Variants in DDX60 observed in about 807,000 individuals in gnomAD.
The protein encoded by DDX60 is DExD/H-box helicase 60, also known as probable ATP-dependent RNA helicase DDX60.
DDX60 carries 165 observed loss-of-function variants against 212.8 expected under a neutral mutation model. The ratio of observed to expected loss-of-function variants is 0.78; its 90% confidence interval spans 0.68 to 0.88. The LOEUF is 0.88. Ranked by LOEUF, DDX60 falls within the 40% of genes least tolerant of loss-of-function variation. The pLI, the probability that DDX60 is intolerant of heterozygous loss-of-function variation, is 0.00. For synonymous variants in DDX60, 703 were observed against 685.3 expected (o/e 1.03, Z -0.40); for missense variants, 1,905 against 2,003.9 (o/e 0.95, Z 0.94).
intron 25 of DDX60, among the ~76,000 whole-genome samples, chr4:168,256,267 C>T (rs1015978761): frequency 6.6e-6 from 1 of 152,012 alleles, no homozygotes; most frequent in Non-Finnish European, 1.5e-5. Context: ...CTATCCCCAA[C>T]ACCACCCTTC....
chr4:168,267,494 T>G (rs1169824375), intron 22 of DDX60, 88 bp downstream of exon 22: 8 of 529,978 alleles, frequency 1.5e-5, no homozygotes, highest in Non-Finnish European at 9.2e-6. Flanking sequence ...TCTATAATTC[T>G]GATACATATC....
rs367658558 is a variant in DDX60 at position 168,276,403 on chromosome 4, T to C, written c.1979-222A>G. On this transcript the variant is annotated intron_variant, in intron 14 of 37. Transcript: ENST00000393743. ...AGCTATATCAGTGTTGGGAAAAAAA[T>C]TGTAGTTCATAATAGAAATAAGATC... 6.6e-5 allele frequency among the ~76,000 whole-genome samples: 10 copies of C among 152,268 alleles called. No homozygotes were observed. The East Asian group carries it at 1.5e-3, about 23-fold the overall frequency.
chr4:168,289,957 A>G (rs1459952592), intron 8 of DDX60, among the ~76,000 whole-genome samples: 2 of 152,068 alleles, frequency 1.3e-5, no homozygotes, highest in Non-Finnish European at 2.9e-5. Context: ...TCTACAATGC[A>G]CTCTCTGCAT....
intron 27 of DDX60, among the ~76,000 whole-genome samples, 176 bp downstream of exon 27, chr4:168,252,333 A>G (rs1288930818): frequency 6.6e-6 from 1 of 152,244 alleles, no homozygotes; most frequent in Non-Finnish European, 1.5e-5. Flanking sequence ...CTTTTTAGAT[A>G]TGCACTGCAG....
At chr4:168,228,540 C>T (rs1373985768) in intron 33 of DDX60, among the ~76,000 whole-genome samples, 4 of 151,660 alleles carry the variant, frequency 2.6e-5, no homozygotes, top group African/African-American at 7.3e-5. Context: ...TAGCTGTTAC[C>T]CCAGAGATTA....
At chr4:168,313,075 T>A (rs566397035) in intron 1 of DDX60, among the ~76,000 whole-genome samples, 1 of 152,256 alleles carries the variant, frequency 6.6e-6, no homozygotes, top group African/African-American at 2.4e-5. Context: ...CCAGTGTAAG[T>A]TGAAAGATAA....
At chr4:168,294,079 A>G (rs1736234326) in intron 6 of DDX60, 134 bp from the exon 7 acceptor site, 1 of 708,280 alleles carries the variant, frequency 1.4e-6, no homozygotes, top group African/African-American at 1.8e-5. Flanking sequence ...CCCCCGTGAC[A>G]CAAGTTTACC....
chr4:168,320,059 C>T (rs1370399596), upstream of DDX60, among the ~76,000 whole-genome samples: 1 of 152,150 alleles, frequency 6.6e-6, no homozygotes, highest in Non-Finnish European at 1.5e-5. Context: ...CATGATTGGT[C>T]TTAAATCAGC....
intron 33 of DDX60, among the ~76,000 whole-genome samples, chr4:168,228,149 A>T (rs1327845137): frequency 6.6e-6 from 1 of 152,138 alleles, no homozygotes; most frequent in African/African-American, 2.4e-5. Flanking sequence ...TACTGAATTG[A>T]ACACTTTAGG....
intron 33 of DDX60, among the ~76,000 whole-genome samples, chr4:168,233,508 T>C (rs955236347): frequency 2.6e-5 from 4 of 151,980 alleles, no homozygotes; most frequent in Admixed American, 6.6e-5. Context: ...TACATATGTA[T>C]TATGGAATAC....
chr4:168,247,927 T>A (rs1253368387), intron 29 of DDX60, among the ~76,000 whole-genome samples: 2 of 152,208 alleles, frequency 1.3e-5, no homozygotes, highest in African/African-American at 4.8e-5. Flanking sequence ...AGAGTAATTA[T>A]TACCCATATT....
chr4:168,256,432 A>T (rs1734415943), intron 25 of DDX60, among the ~76,000 whole-genome samples: 1 of 152,158 alleles, frequency 6.6e-6, no homozygotes, highest in Admixed American at 6.5e-5. Context: ...ACTTCTTGAA[A>T]TGTAAATACC....
chr4:168,217,945 A>G (rs1732909366), intron 37 of DDX60, among the ~76,000 whole-genome samples: 1 of 152,170 alleles, frequency 6.6e-6, no homozygotes. Context: ...GTGTTGGTTT[A>G]AGCCACTAGG....
Position 168,308,200 on chromosome 4 carries a change from A to T in DDX60, c.75-5T>A. The stretch of plus-strand genomic sequence containing the variant: ...TCATTGAATAAACTGGAATATCTAA[A>T]ATGAAAAACAGTTAAAACAAAAATC... On this transcript the variant is annotated splice_region_variant and splice_polypyrimidine_tract_variant and intron_variant, in intron 3 of 37. Coordinates refer to ENST00000393743, the MANE Select transcript of DDX60 (RefSeq NM_017631.6). 1 of 1,518,616 alleles carries T rather than the reference A, an allele frequency of 6.6e-7. No homozygotes were observed. The highest frequency in any genetic ancestry group is 1.8e-4 in the Middle Eastern group (1 of 5,708). 94.1% of individuals were successfully genotyped at this position (1,518,616 alleles called of 1,614,324 possible). A position where few individuals can be genotyped will look rare whatever the true frequency, so the allele number is the denominator to read the frequency against.
chr4:168,281,525 G>T (rs930197319), intron 13 of DDX60, among the ~76,000 whole-genome samples: 34 of 152,212 alleles, frequency 2.2e-4, no homozygotes, highest in African/African-American at 8.0e-4. Flanking sequence ...AGTGAATAAG[G>T]AAAGAGGAAG....
chr4:168,277,407 G>C (rs1240431908), intron 14 of DDX60, among the ~76,000 whole-genome samples: 1 of 152,128 alleles, frequency 6.6e-6, no homozygotes, highest in Non-Finnish European at 1.5e-5. Context: ...ACCCGTCTTT[G>C]AAGGTGCTTA....
At chr4:168,301,787 T>C (rs1350944311) in intron 6 of DDX60, among the ~76,000 whole-genome samples, 1 of 152,198 alleles carries the variant, frequency 6.6e-6, no homozygotes. Flanking sequence ...TCAAGATTTA[T>C]TAACTACAAA....
intron 19 of DDX60, among the ~76,000 whole-genome samples, chr4:168,269,170 T>C (rs1455846163): frequency 6.6e-6 from 1 of 152,150 alleles, no homozygotes; most frequent in Non-Finnish European, 1.5e-5. Context: ...AAAATTTCCT[T>C]CAACTCAATG....
chr4:168,305,291 T>C (rs112542575), intron 5 of DDX60, among the ~76,000 whole-genome samples: 1 of 152,250 alleles, frequency 6.6e-6, no homozygotes, highest in African/African-American at 2.4e-5. Context: ...GATGCATGAC[T>C]GTACTAACTA....
Sources: allele counts gnomAD v4.1 joint callset (sites outside exome capture counted in the v4.1 genomes callset), GRCh38; gene constraint gnomAD v4.1.1; transcripts MANE v1.5; gene names NCBI Gene and HGNC (gene_info 2026-07-23, HGNC 2026-07-21).